NBAS: variants seen among roughly 807,000 people sequenced by gnomAD.
NBAS encodes NAG/BC035112 fusion.
NBAS carries 219 observed loss-of-function variants against 302.5 expected under a neutral mutation model. That is an observed-to-expected ratio of 0.72 (90% CI 0.65 to 0.81). The LOEUF (loss-of-function observed/expected upper bound fraction) is 0.81. Among genes scored for constraint, NBAS ranks in the 30% least tolerant of loss-of-function variants. The pLI is 0.00. For missense variants in NBAS, 2,932 were observed against 2,841.6 expected (o/e 1.03, Z -0.72); for synonymous variants, 1,118 against 1,021.6 (o/e 1.09, Z -1.80).
At chr2:15,520,150 C>A (rs1404308624) in intron 9 of NBAS, among the ~76,000 whole-genome samples, 1 of 152,048 alleles carries the variant, frequency 6.6e-6, no homozygotes, top group Non-Finnish European at 1.5e-5. Context: ...ATATGTAATT[C>A]CAGCACTTTG....
chr2:15,209,595 G>A (rs1452845095), intron 48 of NBAS, among the ~76,000 whole-genome samples: 1 of 152,046 alleles, frequency 6.6e-6, no homozygotes, highest in African/African-American at 2.4e-5. Context: ...AAATATCAAT[G>A]ACATTCTTTA....
chr2:15,514,412 G>A (rs550710757), intron 9 of NBAS, among the ~76,000 whole-genome samples: 4 of 152,144 alleles, frequency 2.6e-5, no homozygotes, highest in South Asian at 2.1e-4. Context: ...TAATCACAAC[G>A]TTTTTTCAAT....
chr2:15,508,871 G>C lies in NBAS; in HGVS notation c.885+2341C>G, dbSNP rs574863531. Among the ~76,000 whole-genome samples the C allele has an allele frequency of 4.3e-4, 66 of 152,144 alleles. 1 individual carries two copies. In the South Asian group the frequency reaches 6.0e-3, roughly 14 times the overall value. ...GACAAAAATTAGCCGGGCATGATGG[G>C]GGGTGCCTGTAATCCCAGGTAATCG... On this transcript the variant is annotated intron_variant, in intron 10 of 51. Transcript: ENST00000281513.
intron 23 of NBAS, among the ~76,000 whole-genome samples, chr2:15,418,756 A>T (rs1011048149): frequency 2.6e-5 from 4 of 152,206 alleles, no homozygotes; most frequent in African/African-American, 9.7e-5. Context: ...GTGAGTTGTG[A>T]AAGTACAATT....
chr2:15,107,327 C>T, the NBAS span, among the ~76,000 whole-genome samples: 36 of 152,188 alleles, frequency 2.4e-4, no homozygotes, highest in African/African-American at 8.4e-4. Flanking sequence ...CTCATGAGAA[C>T]CCGACCATGC....
intron 26 of NBAS, chr2:15,397,832 AAAC>A (rs1227325793): frequency 1.1e-5 from 2 of 184,704 alleles, no homozygotes; most frequent in African/African-American, 4.8e-5. Flanking sequence ...CAATAAGCCC[AAAC>A]AAAAAATCTT....
the NBAS span, among the ~76,000 whole-genome samples, chr2:14,817,689 T>A: frequency 6.6e-6 from 1 of 152,206 alleles, no homozygotes; most frequent in Non-Finnish European, 1.5e-5. Context: ...AAATATATTC[T>A]TGTGTTAAAT....
the NBAS span, among the ~76,000 whole-genome samples, chr2:14,945,313 G>GA: frequency 1.5e-3 from 230 of 152,070 alleles, 2 homozygotes; most frequent in Middle Eastern, 6.8e-3. Context: ...ATATATCCAG[G>GA]AAAAAACAAA....
chr2:15,293,456 C>G (rs1272161941), intron 40 of NBAS, among the ~76,000 whole-genome samples: 1 of 152,090 alleles, frequency 6.6e-6, no homozygotes, highest in African/African-American at 2.4e-5. Context: ...AATCCAACAG[C>G]TGACAGGAAA....
chr2:14,951,043 A>G, the NBAS span, among the ~76,000 whole-genome samples: 1 of 152,220 alleles, frequency 6.6e-6, no homozygotes, highest in East Asian at 1.9e-4. Flanking sequence ...TCTCCATATG[A>G]GCTGAAAAAG....
At chr2:15,330,906 T>C in intron 35 of NBAS, 141 bp from the exon 36 acceptor site, 1 of 854,260 alleles carries the variant, frequency 1.2e-6, no homozygotes, top group South Asian at 1.9e-5. Flanking sequence ...ACTTTGCTTG[T>C]AACAAAATAA....
intron 9 of NBAS, among the ~76,000 whole-genome samples, chr2:15,525,478 C>T (rs769634487): frequency 6.6e-6 from 1 of 152,170 alleles, no homozygotes; most frequent in Non-Finnish European, 1.5e-5. Flanking sequence ...GGTACACACT[C>T]TATTAAAAAA....
chr2:15,238,391 G>A (rs557761608), intron 45 of NBAS, 77 bp downstream of exon 45: 17 of 1,435,616 alleles, frequency 1.2e-5, no homozygotes, highest in Middle Eastern at 1.8e-4. Context: ...CTGTCAAAAC[G>A]ACTAATGTAA....
the NBAS span, among the ~76,000 whole-genome samples, chr2:14,895,727 G>A: frequency 7.4e-6 from 1 of 135,908 alleles, no homozygotes. Context: ...GTGACAGAGC[G>A]AGACTCCGTC....
At chr2:14,917,116 G>A in the NBAS span, among the ~76,000 whole-genome samples, 37 of 152,232 alleles carry the variant, frequency 2.4e-4, no homozygotes, top group African/African-American at 7.2e-4. Context: ...TCCTCAAAAC[G>A]TAGCAGCTTA....
rs367701295 is a variant in NBAS at position 15,218,850 on chromosome 2, G to C, written c.6355C>G (p.Leu2119Val). 3 of 1,614,278 alleles carry C rather than the reference G, an allele frequency of 1.9e-6. No individual in the cohort carries two copies. Among genetic ancestry groups the C allele is most frequent in the South Asian group, 2.2e-5 (2 of 91,088 alleles). Residue 2119 changes from leucine to valine, a missense_variant, in exon 48 of 52, where the codon CTG becomes GTG. By Grantham distance (32) the Leu-to-Val change is conservative. Transcript: ENST00000281513. ...VLQILGQSFH[L>V]TEEDSKLLVF... is the part of the protein sequence containing the mutation. ...AGGAGCTTGCTGTCCTCCTCAGTCA[G>C]GTGAAATGATTGCCCCAAAATCTGC... is the stretch of plus-strand genomic sequence containing the variant.
At chr2:15,042,482 A>C in the NBAS span, among the ~76,000 whole-genome samples, 2 of 152,276 alleles carry the variant, frequency 1.3e-5, no homozygotes, top group African/African-American at 4.8e-5. Flanking sequence ...AGGCTAAAAT[A>C]ACTACCAGGA....
chr2:15,540,165 A>G (rs1309851339), intron 6 of NBAS, among the ~76,000 whole-genome samples: 1 of 152,172 alleles, frequency 6.6e-6, no homozygotes, highest in Admixed American at 6.5e-5. Flanking sequence ...AGGTAGATAG[A>G]CAAGTGTTCT....
At chr2:15,447,987 A>G (rs1158207930) in intron 21 of NBAS, among the ~76,000 whole-genome samples, 1 of 152,170 alleles carries the variant, frequency 6.6e-6, no homozygotes, top group Admixed American at 6.5e-5. Flanking sequence ...GTGTCCTCAC[A>G]TGGTGAAAGG....
Sources: gnomAD v4.1 joint callset for allele counts (sites outside exome capture counted in the v4.1 genomes callset) on GRCh38, gnomAD v4.1.1 for gene constraint, MANE v1.5 for transcripts, NCBI Gene and HGNC (gene_info 2026-07-23, HGNC 2026-07-21) for gene names.